The following TTC39B variants were observed in gnomAD, a reference collection of about 807,000 sequenced individuals.
TTC39B encodes tetratricopeptide repeat protein 39B.
Under a neutral mutation model 96.6 loss-of-function variants are expected in TTC39B, and 92 were observed. That is an observed-to-expected ratio of 0.95 (90% CI 0.80 to 1.13). The LOEUF (loss-of-function observed/expected upper bound fraction) is 1.13. Among genes scored for constraint, TTC39B ranks in the 50% most tolerant of loss-of-function variants. TTC39B has a pLI of 0.00. For missense variants in TTC39B, 955 were observed against 809.3 expected (o/e 1.18, Z -2.18); for synonymous variants, 367 against 299.4 (o/e 1.23, Z -2.33).
intron 2 of TTC39B, among the ~76,000 whole-genome samples, chr9:15,226,534 C>T (rs1032531123): frequency 3.3e-5 from 5 of 152,154 alleles, no homozygotes; most frequent in Admixed American, 3.3e-4. Context: ...AGGTTACTCC[C>T]AAAGTTTTGG....
intron 4 of TTC39B, among the ~76,000 whole-genome samples, chr9:15,212,421 T>G (rs1432821633): frequency 1.3e-5 from 2 of 152,094 alleles, no homozygotes; most frequent in African/African-American, 4.8e-5. Flanking sequence ...GGAAAAGTAT[T>G]TTTATTTATT....
intron 2 of TTC39B, among the ~76,000 whole-genome samples, chr9:15,261,279 G>A (rs1453079942): frequency 6.6e-6 from 1 of 152,050 alleles, no homozygotes; most frequent in African/African-American, 2.4e-5. Flanking sequence ...AGGAGTTCAA[G>A]ACCAGCCTGG....
At chr9:15,244,601 T>A (rs1227274400) in intron 2 of TTC39B, among the ~76,000 whole-genome samples, 1 of 152,116 alleles carries the variant, frequency 6.6e-6, no homozygotes, top group Non-Finnish European at 1.5e-5. Flanking sequence ...TAGAGGAGTA[T>A]AGTGGTGCTG....
chr9:15,266,443 G>C (rs1823133357), intron 2 of TTC39B, among the ~76,000 whole-genome samples: 1 of 151,986 alleles, frequency 6.6e-6, no homozygotes, highest in African/African-American at 2.4e-5. Flanking sequence ...AAGAAAATTA[G>C]AAGTCATACA....
At chr9:15,222,590 C>A (rs929028700) in intron 3 of TTC39B, among the ~76,000 whole-genome samples, 7 of 152,208 alleles carry the variant, frequency 4.6e-5, no homozygotes, top group African/African-American at 1.7e-4. Context: ...GTCTCTGGAA[C>A]TCAGTCTCCG....
intron 1 of TTC39B, among the ~76,000 whole-genome samples, chr9:15,305,857 A>C (rs1187786577): frequency 1.3e-5 from 2 of 151,956 alleles, no homozygotes; most frequent in African/African-American, 2.4e-5. Flanking sequence ...AAGCACAGCA[A>C]ATCTCCTACA....
intron 1 of TTC39B, among the ~76,000 whole-genome samples, chr9:15,305,138 C>T (rs1337549237): frequency 6.6e-6 from 1 of 152,176 alleles, no homozygotes; most frequent in Non-Finnish European, 1.5e-5. Context: ...GTTCTTCAAG[C>T]CCATTTACGG....
At chr9:15,287,965 A>T (rs1455647615) in intron 1 of TTC39B, among the ~76,000 whole-genome samples, 239 of 151,070 alleles carry the variant, frequency 1.6e-3, no homozygotes, top group African/African-American at 5.5e-3. Context: ...AAAAAAAAAA[A>T]AAAACATAAA....
intron 13 of TTC39B, among the ~76,000 whole-genome samples, chr9:15,189,200 C>T (rs768279605): frequency 2.0e-5 from 3 of 152,148 alleles, no homozygotes; most frequent in Admixed American, 1.3e-4. Context: ...TCCTTTGATA[C>T]GGAGCCCACA....
intron 1 of TTC39B, among the ~76,000 whole-genome samples, chr9:15,293,901 C>G (rs1233733967): frequency 6.6e-6 from 1 of 152,172 alleles, no homozygotes; most frequent in Non-Finnish European, 1.5e-5. Context: ...ACCAATCCAG[C>G]TGTCTCTGTA....
intron 2 of TTC39B, among the ~76,000 whole-genome samples, chr9:15,264,606 G>A (rs1760375853): frequency 7.0e-6 from 1 of 143,696 alleles, no homozygotes; most frequent in African/African-American, 2.7e-5. Context: ...AGTGAGCTGA[G>A]ATCACACCAT....
chr9:15,228,417 T>C (rs1005816377), intron 2 of TTC39B, among the ~76,000 whole-genome samples: 1 of 152,286 alleles, frequency 6.6e-6, no homozygotes. Context: ...TGAGCCAAGA[T>C]TGCACCACTG....
At chr9:15,203,968 G>T in intron 6 of TTC39B, 78 bp from the exon 7 acceptor site, 2 of 1,380,644 alleles carry the variant, frequency 1.4e-6, no homozygotes, top group South Asian at 1.4e-5. Flanking sequence ...AGGAAAGACT[G>T]GCAGAAAAAT....
At chr9:15,202,379 T>G (rs1564340999) in intron 7 of TTC39B, among the ~76,000 whole-genome samples, 1 of 151,980 alleles carries the variant, frequency 6.6e-6, no homozygotes, top group African/African-American at 2.4e-5. Context: ...ACCCAAGAGG[T>G]AAACCTCCAG....
intron 7 of TTC39B, among the ~76,000 whole-genome samples, chr9:15,200,392 T>C (rs1819464613): frequency 6.6e-6 from 1 of 152,244 alleles, no homozygotes; most frequent in Non-Finnish European, 1.5e-5. Flanking sequence ...CTTTTTAATG[T>C]TGCGAATTTT....
rs555353885 is a variant in TTC39B at position 15,252,245 on chromosome 9, C to T, written c.275+15669G>A. ...TTTTTCCTTTCAAAATTAATTAAGT[C>T]CAGCTTCCAACTACATTTTTGTGGA... On this transcript the variant is annotated intron_variant, in intron 2 of 19. Coordinates refer to ENST00000512701, the Ensembl canonical transcript of TTC39B. 6.6e-5 allele frequency among the ~76,000 whole-genome samples: 10 copies of T among 152,202 alleles called. No homozygotes were observed. In the South Asian group the frequency reaches 1.9e-3, roughly 28 times the overall value.
chr9:15,228,799 A>G (rs1821270362), intron 2 of TTC39B, among the ~76,000 whole-genome samples: 1 of 152,242 alleles, frequency 6.6e-6, no homozygotes, highest in African/African-American at 2.4e-5. Context: ...CTGTTAATAA[A>G]AGCTAAAATT....
intron 1 of TTC39B, among the ~76,000 whole-genome samples, chr9:15,293,594 G>A (rs929101469): frequency 9.2e-5 from 14 of 152,212 alleles, no homozygotes; most frequent in South Asian, 4.2e-4. Context: ...TGAGACACAG[G>A]GATGTGCATT....
At chr9:15,281,269 T>A (rs1224533319) in intron 1 of TTC39B, among the ~76,000 whole-genome samples, 1 of 152,196 alleles carries the variant, frequency 6.6e-6, no homozygotes, top group Non-Finnish European at 1.5e-5. Flanking sequence ...AAAATGGGAA[T>A]AACAGTGCCA....
Sources: gnomAD v4.1 joint callset for allele counts (sites outside exome capture counted in the v4.1 genomes callset) on GRCh38, gnomAD v4.1.1 for gene constraint, MANE v1.5 for transcripts, NCBI Gene and HGNC (gene_info 2026-07-23, HGNC 2026-07-21) for gene names.